Variants in THADA observed in about 807,000 individuals in gnomAD.
The protein encoded by THADA is THADA armadillo repeat containing.
Under a neutral mutation model 219.8 loss-of-function variants are expected in THADA, and 213 were observed. The observed-to-expected ratio is 0.97, with a 90% confidence interval of 0.87 to 1.09. The LOEUF is 1.09. THADA is among the 50% of genes least tolerant of loss of function. The probability of loss-of-function intolerance (pLI) is 0.00; values close to 1 mark genes in which losing one functional copy is unlikely to be tolerated. For synonymous variants in THADA, 1,018 were observed against 828.9 expected (o/e 1.23, Z -3.92); for missense variants, 2,956 against 2,311.3 (o/e 1.28, Z -5.72).
intron 19 of THADA, among the ~76,000 whole-genome samples, chr2:43,551,529 T>C (rs1176737644): frequency 2.0e-5 from 3 of 151,838 alleles, no homozygotes; most frequent in African/African-American, 4.8e-5. Context: ...ACTTATACAG[T>C]ATTATATAAC....
At position 43,556,438 on chromosome 2, in the gene THADA, G is replaced by C. The variant is rs1271710744; in HGVS notation, c.2581C>G (p.Leu861Val). 1.9e-6 allele frequency: 3 copies of C among 1,613,860 alleles called. No individual in the cohort carries two copies. The highest frequency in any genetic ancestry group is 1.7e-5 in the Admixed American group (1 of 60,020). The change falls in exon 17 of 38, where the codon CTA (leucine) becomes GTA (valine). Residue 861 changes from leucine (L) to valine (V), a missense_variant. By Grantham distance (32) the Leu-to-Val change is conservative. Transcript: ENST00000405975. ...LLNFLIWQDA[L>V]PSSLSAYLTQ... Reference sequence around the variant, plus strand: ...AAGTAGGCAGACAAGGATGACGGTAGAGCATCCTGCCAGATTAAGAAGTTC... The same window carrying C: ...AAGTAGGCAGACAAGGATGACGGTACAGCATCCTGCCAGATTAAGAAGTTC...
chr2:43,474,900 G>T (rs996957234), intron 26 of THADA, among the ~76,000 whole-genome samples: 1 of 152,124 alleles, frequency 6.6e-6, no homozygotes, highest in Non-Finnish European at 1.5e-5. Context: ...CTTCTACTAA[G>T]CCTGAGCGGT....
At chr2:43,528,928 T>C (rs1359529890) in intron 21 of THADA, among the ~76,000 whole-genome samples, 1 of 152,146 alleles carries the variant, frequency 6.6e-6, no homozygotes. Flanking sequence ...GAACTTTTCA[T>C]CTTCCCAAAT....
chr2:43,241,510 C>T (rs755543594), intron 36 of THADA, among the ~76,000 whole-genome samples: 15 of 148,590 alleles, frequency 1.0e-4, no homozygotes, highest in African/African-American at 2.0e-4. Flanking sequence ...ACTAAACAGT[C>T]CCTTTGCACC....
intron 36 of THADA, among the ~76,000 whole-genome samples, chr2:43,247,760 G>T (rs1302633382): frequency 6.7e-6 from 1 of 149,620 alleles, no homozygotes; most frequent in Non-Finnish European, 1.5e-5. Flanking sequence ...AAAAAGGGGG[G>T]TGCTGGGCAT....
At chr2:43,547,318 A>G (rs1696160846) in intron 20 of THADA, among the ~76,000 whole-genome samples, 2 of 151,998 alleles carry the variant, frequency 1.3e-5, no homozygotes, top group Non-Finnish European at 1.5e-5. Context: ...CTTCATTTCA[A>G]CTTTGGTGAA....
intron 26 of THADA, among the ~76,000 whole-genome samples, chr2:43,480,568 T>C (rs1158239246): frequency 1.3e-5 from 2 of 152,068 alleles, no homozygotes; most frequent in Non-Finnish European, 2.9e-5. Context: ...TCCCAGCACT[T>C]TGGGAGGCTG....
In THADA at chr2:43,298,062, C is replaced by T. The variant is rs1675791395; in HGVS notation, c.4439-4849G>A. Among the ~76,000 whole-genome samples the T allele has an allele frequency of 1.8e-5, 2 of 108,784 alleles. 1 individual carries two copies. Among genetic ancestry groups the T allele is most frequent in the South Asian group, 6.2e-4 (2 of 3,236 alleles). The allele number at this position is 108,784 out of a possible 152,430, so 71.4% of individuals were successfully genotyped here. On this transcript the variant is annotated intron_variant, in intron 31 of 37. Coordinates refer to ENST00000405975, the MANE Select transcript of THADA (RefSeq NM_022065.5). The stretch of plus-strand genomic sequence containing the variant: ...GCCGCCCCTACTGGGAAGTGAGGAG[C>T]CCCTCTGCCCGGCCACCACCCCGTC...
At chr2:43,465,489 G>A (rs1185603301) in intron 26 of THADA, among the ~76,000 whole-genome samples, 1 of 152,164 alleles carries the variant, frequency 6.6e-6, no homozygotes, top group East Asian at 1.9e-4. Context: ...GGGAGGAAGA[G>A]CCCACAAAGT....
intron 2 of THADA, 112 bp from the exon 3 acceptor site, chr2:43,592,158 CAT>C: frequency 1.0e-6 from 1 of 1,003,310 alleles, no homozygotes; most frequent in African/African-American, 1.6e-5. Context: ...ATAGGTGGAA[CAT>C]AGTCTGAAGA....
chr2:43,317,599 A>C (rs1000479925), intron 31 of THADA, among the ~76,000 whole-genome samples: 4 of 152,246 alleles, frequency 2.6e-5, no homozygotes, highest in Admixed American at 2.6e-4. Context: ...AGACTTCACT[A>C]CATTAAGCAC....
intron 31 of THADA, among the ~76,000 whole-genome samples, chr2:43,308,485 G>C (rs1677107743): frequency 6.6e-6 from 1 of 152,086 alleles, no homozygotes; most frequent in African/African-American, 2.4e-5. Flanking sequence ...TAGGAGGAGT[G>C]CTTGAGCCCT....
chr2:43,320,623 C>A, intron 30 of THADA, 83 bp from the exon 31 acceptor site: 1 of 969,306 alleles, frequency 1.0e-6, no homozygotes, highest in African/African-American at 1.6e-5. Context: ...TGGGTATTTT[C>A]TATGGTATAT....
chr2:43,437,272 G>C (rs1329372667), intron 26 of THADA, among the ~76,000 whole-genome samples: 1 of 152,162 alleles, frequency 6.6e-6, no homozygotes, highest in Non-Finnish European at 1.5e-5. Flanking sequence ...GATAAGATAA[G>C]ATAAAGTCTG....
chr2:43,539,779 G>C (rs946187943), intron 21 of THADA, among the ~76,000 whole-genome samples: 2 of 151,828 alleles, frequency 1.3e-5, no homozygotes, highest in Non-Finnish European at 2.9e-5. Flanking sequence ...TGGTTTATAA[G>C]AACCTGTCTT....
chr2:43,273,173 C>T (rs1041738727), intron 36 of THADA, among the ~76,000 whole-genome samples: 7 of 151,542 alleles, frequency 4.6e-5, no homozygotes, highest in Non-Finnish European at 1.0e-4. Flanking sequence ...CGCTTGAACC[C>T]GGGAGGCGGA....
intron 28 of THADA, among the ~76,000 whole-genome samples, chr2:43,406,822 A>G (rs1441615704): frequency 6.6e-6 from 1 of 152,056 alleles, no homozygotes; most frequent in African/African-American, 2.4e-5. Flanking sequence ...CTGGAAAAGC[A>G]TTCCGGATCT....
intron 22 of THADA, among the ~76,000 whole-genome samples, chr2:43,525,346 T>C (rs1048596489): frequency 3.3e-5 from 5 of 152,216 alleles, no homozygotes; most frequent in African/African-American, 1.2e-4. Context: ...ATCTTGCCAC[T>C]TTGCTGTCAA....
intron 30 of THADA, chr2:43,342,996 TC>T (rs907899448): frequency 1.3e-5 from 2 of 152,198 alleles, no homozygotes; most frequent in African/African-American, 4.8e-5. Flanking sequence ...TCTTTTTTTT[TC>T]AACTTGTTTG....
Sources: gnomAD v4.1 joint callset for allele counts (sites outside exome capture counted in the v4.1 genomes callset) on GRCh38, gnomAD v4.1.1 for gene constraint, MANE v1.5 for transcripts, NCBI Gene and HGNC (gene_info 2026-07-23, HGNC 2026-07-21) for gene names.